The following IBTK variants were observed in gnomAD, a reference collection of about 807,000 sequenced individuals.
IBTK encodes inhibitor of Bruton tyrosine kinase.
IBTK carries 83 observed loss-of-function variants against 154.9 expected under a neutral mutation model. The ratio of observed to expected loss-of-function variants is 0.54; its 90% CI spans 0.45 to 0.64. The LOEUF (loss-of-function observed/expected upper bound fraction) is 0.64. IBTK is among the 30% of genes least tolerant of loss of function. IBTK has a pLI of 0.00. For synonymous variants in IBTK, 515 were observed against 536.1 expected, an observed-to-expected ratio of 0.96 and a Z score of 0.54; for missense variants, 1,332 against 1,584.6, an observed-to-expected ratio of 0.84 and a Z score of 2.71.
chr6:82,200,770 T>TG, intron 19 of IBTK, 62 bp from the exon 20 acceptor site: 3 of 1,472,570 alleles, frequency 2.0e-6, no homozygotes, highest in African/African-American at 3.1e-5. Flanking sequence ...TTTTTTTTTT[T>TG]TTTTTTTTTT....
In IBTK at chr6:82,181,965, C is replaced by CT; in HGVS notation, c.3638dup (p.Ser1214ValfsTer4). ...CGCCTGAACTATGGCTAGTAACAGA[C>CT]TTTTTTTCTTCTAGTAAGAAATCCC... is the stretch of plus-strand genomic sequence containing the variant. On this transcript the variant is annotated frameshift_variant, in exon 26 of 29. Transcript: ENST00000306270. LOFTEE classifies it high-confidence loss of function. 1 of 1,605,556 alleles carries CT rather than the reference C, an allele frequency of 6.2e-7. No homozygotes were observed. The highest frequency in any genetic ancestry group is 8.5e-7 in the Non-Finnish European group (1 of 1,178,024).
rs1448475830 is a variant in IBTK, at chr6:82,214,638, T to C, written c.1793A>G (p.Asn598Ser). ...GTAAATATCTGTAAATTCTGAAGTATTACCATCTGAAAGAAACAATTTCTG... is the reference window on the plus strand; with the variant it reads ...GTAAATATCTGTAAATTCTGAAGTACTACCATCTGAAAGAAACAATTTCTG... Reference protein sequence around the residue: ...FFQKLFLSDGNTSEFTDIYQK... With the variant: ...FFQKLFLSDGSTSEFTDIYQK... Residue 598 changes from asparagine (N) to serine (S), a missense_variant, in exon 12 of 29, where the codon AAT (asparagine) becomes AGT (serine). Physicochemically the swap from Asn to Ser is conservative, Grantham distance 46. Around this residue, in one of 3 missense-constraint regions of IBTK, gnomAD observed 1,134 missense variants for 1,274.7 expected, o/e 0.89. Coordinates refer to ENST00000306270, the MANE Select transcript of IBTK (RefSeq NM_015525.4). The C allele has an allele frequency of 6.2e-7, 1 of 1,614,010 alleles. No homozygotes were observed. The highest frequency in any genetic ancestry group is 8.5e-7 in the Non-Finnish European group (1 of 1,179,924).
rs1266625072 is a variant in IBTK at position 82,199,497 on chromosome 6, ACATTTTATATT to A, written c.3025+633_3025+643del. 2.0e-5 allele frequency among the ~76,000 whole-genome samples: 3 copies of A among 152,180 alleles called. No individual in the cohort carries two copies. In the East Asian group the frequency reaches 5.8e-4, roughly 29 times the overall value. Reference sequence around the variant, plus strand: ...AAACAGGCTCACATAATGCCTAAATACATTTTATATTCTACTACCAGATTACAACCCCCTTA... The same window carrying A: ...AAACAGGCTCACATAATGCCTAAATACTACTACCAGATTACAACCCCCTTA... On this transcript the variant is annotated intron_variant, in intron 21 of 28. Transcript: ENST00000306270.
chr6:82,206,118 T>C (rs1769402659), intron 16 of IBTK, among the ~76,000 whole-genome samples: 1 of 152,214 alleles, frequency 6.6e-6, no homozygotes, highest in Non-Finnish European at 1.5e-5. Context: ...AGTTGAATCT[T>C]GTTAAGAACA....
At chr6:82,236,448 C>T (rs1770716420) in intron 2 of IBTK, among the ~76,000 whole-genome samples, 1 of 152,114 alleles carries the variant, frequency 6.6e-6, no homozygotes, top group Non-Finnish European at 1.5e-5. Context: ...AAGTAAACCA[C>T]CAGTATAAAA....
At chr6:82,224,261 CA>C (rs777774400) in intron 6 of IBTK, 76 bp from the exon 7 acceptor site, 51 of 1,024,708 alleles carry the variant, frequency 5.0e-5, no homozygotes, top group Non-Finnish European at 7.8e-5. Flanking sequence ...TCCAGCAGAC[CA>C]GCAAATATAT....
At chr6:82,198,918 A>G (rs1469149907) in intron 21 of IBTK, among the ~76,000 whole-genome samples, 4 of 152,140 alleles carry the variant, frequency 2.6e-5, no homozygotes, top group African/African-American at 4.8e-5. Flanking sequence ...AAAGTACAGC[A>G]GTTTTATACT....
At chr6:82,239,587 A>G (rs1770861002) in intron 2 of IBTK, among the ~76,000 whole-genome samples, 1 of 152,238 alleles carries the variant, frequency 6.6e-6, no homozygotes, top group Admixed American at 6.5e-5. Flanking sequence ...GTTTATCCAT[A>G]AGTAAACACA....
intron 4 of IBTK, among the ~76,000 whole-genome samples, chr6:82,229,732 C>T (rs184332846): frequency 1.4e-4 from 21 of 152,260 alleles, no homozygotes; most frequent in African/African-American, 4.8e-4. Context: ...GCTTGATTCT[C>T]GCCCATCACA....
chr6:82,173,116 C>G (rs1767990504), intron 27 of IBTK: 1 of 299,000 alleles, frequency 3.3e-6, no homozygotes, highest in Non-Finnish European at 6.1e-6. Flanking sequence ...ATTCTCCTGT[C>G]CTAGCTTCAT....
intron 2 of IBTK, among the ~76,000 whole-genome samples, chr6:82,237,800 G>A (rs1419632885): frequency 6.6e-6 from 1 of 151,796 alleles, no homozygotes; most frequent in Non-Finnish European, 1.5e-5. Flanking sequence ...CTACATAAAA[G>A]CCACTACAGA....
chr6:82,229,949 A>T (rs1770445850), intron 4 of IBTK, among the ~76,000 whole-genome samples: 1 of 152,146 alleles, frequency 6.6e-6, no homozygotes, highest in Non-Finnish European at 1.5e-5. Context: ...GTGATGCATT[A>T]GGTTGTGACT....
intron 9 of IBTK, among the ~76,000 whole-genome samples, chr6:82,220,095 T>G (rs1770040689): frequency 6.6e-6 from 1 of 151,958 alleles, no homozygotes; most frequent in East Asian, 1.9e-4. Context: ...TTGTAATCCC[T>G]GCTACTCAGG....
At chr6:82,190,352 GAGAA>G (rs71766253) in intron 25 of IBTK, among the ~76,000 whole-genome samples, 36,406 of 151,932 alleles carry the variant, frequency 0.24, 4,370 homozygotes, top group African/African-American at 0.28. Context: ...GTCCTTGTGA[GAGAA>G]AGAGAGTTCT....
At chr6:82,231,955 A>G in intron 3 of IBTK, 113 bp from the exon 4 acceptor site, 2 of 564,508 alleles carry the variant, frequency 3.5e-6, no homozygotes, top group Non-Finnish European at 5.9e-6. Context: ...GAATATATTA[A>G]TATGATATTA....
In IBTK at chr6:82,224,132, C is replaced by T; in HGVS notation, c.879G>A (p.Arg293=). Residue 293 remains arginine (R), a synonymous_variant, in exon 7 of 29, where the codon AGG becomes AGA. Coordinates refer to ENST00000306270, the MANE Select transcript of IBTK (RefSeq NM_015525.4). ...GRTIIGVAAG[R]FHTVLWTREA... is the part of the protein sequence containing the mutation. ...CTCTAGTCCATAGGACTGTATGAAA[C>T]CTGCCTGCTGCAACGCCAATGATTG... The T allele has an allele frequency of 6.2e-7, 1 of 1,614,092 alleles. No homozygotes were observed. The highest frequency in any genetic ancestry group is 8.5e-7 in the Non-Finnish European group (1 of 1,179,958).
intron 21 of IBTK, 58 bp downstream of exon 21, chr6:82,200,083 T>C: frequency 4.8e-6 from 5 of 1,038,566 alleles, no homozygotes; most frequent in South Asian, 4.1e-5. Context: ...GCAGATGACA[T>C]ATGTGAATAG....
chr6:82,223,840 T>G (rs9443971), intron 7 of IBTK, among the ~76,000 whole-genome samples: 3 of 151,862 alleles, frequency 2.0e-5, no homozygotes, highest in Non-Finnish European at 2.9e-5. Flanking sequence ...GTCCCAGCTA[T>G]TCGGGGGGCT....
At position 82,172,627 on chromosome 6, in the gene IBTK, G is replaced by A. The variant is rs147989678; in HGVS notation, c.3798-115C>T. The A allele has an allele frequency of 5.0e-3, 3,983 of 795,050 alleles. 12 individuals are homozygous for A. The highest frequency in any genetic ancestry group is 6.6e-3 in the Non-Finnish European group (3,481 of 527,986). The allele number at this position is 795,050 out of a possible 1,614,324, so 49.2% of individuals were successfully genotyped here. A position where few individuals can be genotyped will look rare whatever the true frequency, so the allele number is the denominator to read the frequency against. ...TTCTTTCCAGTGACCTACAATGAACGAACCTGGAAGCTTTCACAGAGATTA... is the reference window on the plus strand; with the variant it reads ...TTCTTTCCAGTGACCTACAATGAACAAACCTGGAAGCTTTCACAGAGATTA... On this transcript the variant is annotated intron_variant, in intron 27 of 28. Coordinates refer to ENST00000306270, the MANE Select transcript of IBTK (RefSeq NM_015525.4).
Sources: gnomAD v4.1 joint callset for allele counts (sites outside exome capture counted in the v4.1 genomes callset) on GRCh38, gnomAD v4.1.1 for gene constraint, gnomAD v4.1.1 regional missense constraint, MANE v1.5 for transcripts, NCBI Gene and HGNC (gene_info 2026-07-23, HGNC 2026-07-21) for gene names.